SAMM50: variants seen among roughly 807,000 people sequenced by gnomAD.
The protein encoded by SAMM50 is sorting and assembly machinery component 50 homolog.
SAMM50 carries 47 observed loss-of-function variants against 66.9 expected under a neutral mutation model. The ratio of observed to expected loss-of-function variants is 0.70; its 90% confidence interval spans 0.56 to 0.90. The LOEUF (loss-of-function observed/expected upper bound fraction) is 0.90, where lower values mean the gene tolerates loss of function less well. Among genes scored for constraint, SAMM50 ranks in the 40% least tolerant of loss-of-function variants. SAMM50 has a pLI of 0.00. For synonymous variants in SAMM50, 191 were observed against 214.1 expected (o/e 0.89, Z 0.94); for missense variants, 535 against 595.3 (o/e 0.90, Z 1.05).
chr22:43,974,156 A>T (rs945275426), intron 7 of SAMM50, among the ~76,000 whole-genome samples: 4 of 152,142 alleles, frequency 2.6e-5, no homozygotes, highest in Admixed American at 1.3e-4. Flanking sequence ...GACCAGCAGC[A>T]TCGACCTCAG....
intron 11 of SAMM50, among the ~76,000 whole-genome samples, chr22:43,981,992 T>C (rs2050267454): frequency 6.6e-6 from 1 of 152,270 alleles, no homozygotes; most frequent in Admixed American, 6.5e-5. Context: ...AAACTCATAG[T>C]ATTGCTGGGT....
intron 1 of SAMM50, among the ~76,000 whole-genome samples, chr22:43,956,449 C>T (rs1012211389): frequency 3.9e-5 from 6 of 152,216 alleles, no homozygotes; most frequent in Admixed American, 3.3e-4. Flanking sequence ...TTGGACTTAA[C>T]TTCCCTTTAT....
At chr22:43,991,683 G>A (rs569979321) in intron 14 of SAMM50, among the ~76,000 whole-genome samples, 2 of 152,358 alleles carry the variant, frequency 1.3e-5, no homozygotes, top group Non-Finnish European at 2.9e-5. Flanking sequence ...AACAACAGAT[G>A]TTCATACTCT....
chr22:43,956,950 C>G, intron 1 of SAMM50: 1 of 574,812 alleles, frequency 1.7e-6, no homozygotes, highest in South Asian at 2.3e-5. Context: ...GCAAGTAGGT[C>G]AGAGTGCAAC....
At chr22:43,960,166 C>T (rs1330652412) in intron 1 of SAMM50, among the ~76,000 whole-genome samples, 5 of 152,284 alleles carry the variant, frequency 3.3e-5, no homozygotes, top group East Asian at 1.9e-4. Context: ...CATAATCTTA[C>T]TTTGTTCATA....
intron 3 of SAMM50, among the ~76,000 whole-genome samples, chr22:43,966,808 A>AT (rs59436064): frequency 0.46 from 68,316 of 149,758 alleles, 18,538 homozygotes; most frequent in African/African-American, 0.77. Context: ...GAGATCCAGC[A>AT]TTTTTTTTTT....
chr22:43,957,585 G>A (rs1329711169), intron 1 of SAMM50, among the ~76,000 whole-genome samples: 1 of 152,104 alleles, frequency 6.6e-6, no homozygotes, highest in Non-Finnish European at 1.5e-5. Flanking sequence ...ACCACACCCA[G>A]CCAATTTTTG....
chr22:43,963,253 G>A, intron 1 of SAMM50, 33 bp from the exon 2 acceptor site: 3 of 1,383,612 alleles, frequency 2.2e-6, no homozygotes, highest in Non-Finnish European at 3.0e-6. Flanking sequence ...ATGTGACAAA[G>A]TCATTTATCT....
intron 3 of SAMM50, among the ~76,000 whole-genome samples, chr22:43,966,571 G>T (rs1603418827): frequency 1.3e-5 from 2 of 151,986 alleles, no homozygotes; most frequent in South Asian, 2.1e-4. Flanking sequence ...GGCCAGGCTC[G>T]ATTTGAACTC....
chr22:43,996,288 G>A (rs1433628042), intron 14 of SAMM50, 50 bp from the exon 15 acceptor site: 1 of 1,600,572 alleles, frequency 6.2e-7, no homozygotes, highest in Non-Finnish European at 8.6e-7. Flanking sequence ...TCGTGAAGAT[G>A]GCAGGGCTGG....
At chr22:43,993,310 C>T (rs751487644) in intron 14 of SAMM50, among the ~76,000 whole-genome samples, 20 of 152,268 alleles carry the variant, frequency 1.3e-4, no homozygotes, top group Non-Finnish European at 2.6e-4. Context: ...CCCACGCTGC[C>T]ATCACCACCA....
intron 1 of SAMM50, among the ~76,000 whole-genome samples, chr22:43,960,137 A>G (rs1470696960): frequency 6.6e-6 from 1 of 152,174 alleles, no homozygotes; most frequent in Non-Finnish European, 1.5e-5. Context: ...AGGCATTCAG[A>G]TTAAGATGAG....
chr22:43,995,933 C>T (rs995676868), intron 14 of SAMM50, among the ~76,000 whole-genome samples: 2 of 152,112 alleles, frequency 1.3e-5, no homozygotes, highest in Non-Finnish European at 2.9e-5. Flanking sequence ...TTCTGGGGGC[C>T]GGGCGGACCT....
Position 43,955,469 on chromosome 22 carries a change from A to C in SAMM50, c.-109A>C. 7.8e-7 allele frequency: 1 copy of C among 1,281,536 alleles called. No homozygotes were observed. The allele number at this position is 1,281,536 out of a possible 1,614,324, so 79.4% of individuals were successfully genotyped here. A position where few individuals can be genotyped will look rare whatever the true frequency, so the allele number is the denominator to read the frequency against. ...TGTTCCGCGTCCGGGGGTTTGTGGG[A>C]GTTGCCTTGACCTGCAGCTCCGCCA... On this transcript the variant is annotated 5_prime_UTR_variant, in exon 1 of 15. Coordinates refer to ENST00000350028, the MANE Select transcript of SAMM50 (RefSeq NM_015380.5).
Position 43,976,817 on chromosome 22 carries a change from A to G in SAMM50, c.845A>G (p.Asn282Ser), listed in dbSNP as rs775636410. 3.7e-6 allele frequency: 6 copies of G among 1,603,312 alleles called. No individual in the cohort carries two copies. The South Asian group carries it at 6.6e-5, about 18-fold the overall frequency. The part of the protein sequence containing the change: ...LPRRGALLKV[N>S]QELAGYTGGD... The stretch of plus-strand genomic sequence containing the variant: ...AGGAGAGGTGCTTTGCTGAAAGTTA[A>G]CCAGGTAGTGTTGTTTCACCTGTGA... Residue 282 changes from asparagine (N) to serine (S), a missense_variant, in exon 9 of 15, where the codon AAC becomes AGC. Asn to Ser is a conservative substitution (Grantham distance 46). Transcript: ENST00000350028.
At chr22:43,975,264 G>A (rs928664025) in intron 7 of SAMM50, 2 of 152,532 alleles carry the variant, frequency 1.3e-5, no homozygotes, top group South Asian at 2.1e-4. Context: ...GGGATGGAGT[G>A]TTCTGGGCCT....
At chr22:43,964,367 A>G (rs977890821) in intron 2 of SAMM50, 85 bp from the exon 3 acceptor site, 3 of 665,860 alleles carry the variant, frequency 4.5e-6, no homozygotes, top group African/African-American at 1.8e-5. Flanking sequence ...CTTGACATTA[A>G]TTAAACCTTG....
Position 43,972,456 on chromosome 22 carries a change from C to T in SAMM50, c.429+114C>T, listed in dbSNP as rs1051998319. 1.2e-5 allele frequency: 7 copies of T among 582,456 alleles called. No homozygotes were observed. The African/African-American group carries it at 1.4e-4, about 11-fold the overall frequency. 36.1% of individuals were successfully genotyped at this position (582,456 alleles called of 1,614,324 possible). A position where few individuals can be genotyped will look rare whatever the true frequency, so the allele number is the denominator to read the frequency against. On this transcript the variant is annotated intron_variant, in intron 5 of 14. Transcript: ENST00000350028. Reference sequence around the variant, plus strand: ...TTCAAAATTCGGTCATTTCATTTACCTTAATCTGTTGTTATTTGTGGTTTC... The same window carrying T: ...TTCAAAATTCGGTCATTTCATTTACTTTAATCTGTTGTTATTTGTGGTTTC...
At chr22:43,979,076 A>C (rs2050249095) in intron 10 of SAMM50, among the ~76,000 whole-genome samples, 2 of 151,646 alleles carry the variant, frequency 1.3e-5, no homozygotes, top group South Asian at 2.1e-4. Context: ...TTCTCACTTT[A>C]TCTCTCTTGT....
Sources: allele counts gnomAD v4.1 joint callset (sites outside exome capture counted in the v4.1 genomes callset), GRCh38; gene constraint gnomAD v4.1.1; transcripts MANE v1.5; gene names NCBI Gene and HGNC (gene_info 2026-07-23, HGNC 2026-07-21).